Variants in FGD5 observed in about 807,000 individuals in gnomAD.
The protein encoded by FGD5 is FYVE, RhoGEF and PH domain-containing protein 5.
Under a neutral mutation model 133.4 loss-of-function variants are expected in FGD5, and 28 were observed. That is an observed-to-expected ratio of 0.21 (90% CI 0.16 to 0.29). FGD5 has a LOEUF of 0.29. Ranked by LOEUF, FGD5 falls within the 10% of genes least tolerant of loss-of-function variation. The pLI, the probability that FGD5 is intolerant of heterozygous loss-of-function variation, is 1.00. For missense variants in FGD5, 1,858 were observed against 1,895.2 expected (o/e 0.98, Z 0.36); for synonymous variants, 810 against 776.5 (o/e 1.04, Z -0.72).
chr3:14,816,754 A>G (rs1209160021), upstream of FGD5, among the ~76,000 whole-genome samples: 1 of 152,234 alleles, frequency 6.6e-6, no homozygotes, highest in Non-Finnish European at 1.5e-5. Context: ...AAGGAGTTTG[A>G]TAGTCACTAT....
chr3:14,817,998 C>G (rs761168804), upstream of FGD5, among the ~76,000 whole-genome samples: 18 of 152,152 alleles, frequency 1.2e-4, no homozygotes, highest in Non-Finnish European at 2.4e-4. Context: ...TTTGACCGTT[C>G]CCCTTCTCTA....
intron 18 of FGD5, chr3:14,931,769 A>T (rs2038903051): frequency 6.6e-6 from 1 of 152,224 alleles, no homozygotes; most frequent in Non-Finnish European, 1.5e-5. Context: ...ATATTGAAAT[A>T]CTGTAAATGA....
intron 5 of FGD5, 25 bp from the exon 6 acceptor site, chr3:14,897,914 G>T: frequency 6.2e-7 from 1 of 1,613,796 alleles, no homozygotes; most frequent in Non-Finnish European, 8.5e-7. Context: ...AGTTCTCACT[G>T]TCCCATCCCC....
At chr3:14,843,282 G>A (rs1379021458) in intron 1 of FGD5, among the ~76,000 whole-genome samples, 2 of 152,204 alleles carry the variant, frequency 1.3e-5, no homozygotes, top group African/African-American at 2.4e-5. Flanking sequence ...TCCACAGCAT[G>A]AGAGCCCCCT....
chr3:14,900,551 GTCCCC>G, intron 8 of FGD5, 98 bp downstream of exon 8: 1 of 1,393,044 alleles, frequency 7.2e-7, no homozygotes, highest in Non-Finnish European at 1.0e-6. Flanking sequence ...CCAGGATATA[GTCCCC>G]TCCCCACCAG....
intron 1 of FGD5, among the ~76,000 whole-genome samples, chr3:14,859,306 C>T (rs190915977): frequency 9.3e-4 from 142 of 152,224 alleles, no homozygotes; most frequent in African/African-American, 2.9e-3. Context: ...CCTGTAATCC[C>T]GGCACTTTGG....
intron 1 of FGD5, among the ~76,000 whole-genome samples, chr3:14,811,566 C>A (rs968129725): frequency 6.6e-6 from 1 of 152,196 alleles, no homozygotes; most frequent in African/African-American, 2.4e-5. Context: ...GCTCCAGGTT[C>A]CCCCACCCCC....
intron 4 of FGD5, among the ~76,000 whole-genome samples, chr3:14,883,615 G>C (rs541984485): frequency 7.1e-4 from 108 of 152,262 alleles, no homozygotes; most frequent in Non-Finnish European, 1.3e-3. Context: ...CATTCATTCT[G>C]GAAACATCAC....
chr3:14,901,526 C>T (rs986425340), intron 9 of FGD5, among the ~76,000 whole-genome samples: 1 of 152,228 alleles, frequency 6.6e-6, no homozygotes, highest in Non-Finnish European at 1.5e-5. Flanking sequence ...ACTCTGTCTG[C>T]TAGAGGGCAG....
At chr3:14,814,239 G>A (rs538488388), upstream of FGD5, among the ~76,000 whole-genome samples, 28 of 152,320 alleles carry the variant, frequency 1.8e-4, no homozygotes, top group Non-Finnish European at 3.4e-4. Flanking sequence ...GGAATCCAGA[G>A]AAGGAAACCA....
Position 14,893,799 on chromosome 3 carries a change from A to G in FGD5, c.2749-3710A>G, listed in dbSNP as rs1416433706. 7.5e-5 allele frequency among the ~76,000 whole-genome samples: 9 copies of G among 120,514 alleles called. No homozygotes were observed. In the East Asian group the frequency reaches 2.4e-3, roughly 32 times the overall value. 79.1% of individuals were successfully genotyped at this position (120,514 alleles called of 152,430 possible). A position where few individuals can be genotyped will look rare whatever the true frequency, so the allele number is the denominator to read the frequency against. On this transcript the variant is annotated intron_variant, in intron 4 of 19. Coordinates refer to ENST00000285046, the MANE Select transcript of FGD5 (RefSeq NM_152536.4). ...AGACAGAGTCTCTCTCTGTTGCCCA[A>G]GCTGGAGTGCAGTGGCCATGCAATC... is the stretch of plus-strand genomic sequence containing the variant.
At chr3:14,811,119 T>C (rs2036286677) in intron 1 of FGD5, among the ~76,000 whole-genome samples, 2 of 151,876 alleles carry the variant, frequency 1.3e-5, no homozygotes, top group Admixed American at 1.3e-4. Context: ...GCCCTGGCCG[T>C]GCGCGCCAGT....
upstream of FGD5, among the ~76,000 whole-genome samples, chr3:14,816,299 T>G (rs564615231): frequency 1.3e-5 from 2 of 152,300 alleles, no homozygotes; most frequent in African/African-American, 4.8e-5. Flanking sequence ...AAGAATAATT[T>G]CGTGCCAATG....
chr3:14,864,348 G>A (rs1198064079), intron 2 of FGD5, 88 bp downstream of exon 2: 2 of 1,588,906 alleles, frequency 1.3e-6, no homozygotes, highest in East Asian at 4.5e-5. Context: ...CCTTGGTGCG[G>A]ACGGAGCTGT....
intron 1 of FGD5, among the ~76,000 whole-genome samples, chr3:14,822,106 TAAAAA>T (rs553593220): frequency 8.5e-5 from 12 of 140,762 alleles, no homozygotes; most frequent in African/African-American, 3.2e-4. Flanking sequence ...CTAAAAAAAA[TAAAAA>T]AAAAAGAAAA....
intron 1 of FGD5, among the ~76,000 whole-genome samples, chr3:14,859,558 C>A (rs914636136): frequency 6.8e-6 from 1 of 146,232 alleles, no homozygotes; most frequent in African/African-American, 2.6e-5. Context: ...AGACCTCCCC[C>A]CAAAAAAAAA....
At chr3:14,831,660 G>A (rs554626314) in intron 1 of FGD5, among the ~76,000 whole-genome samples, 1 of 152,298 alleles carries the variant, frequency 6.6e-6, no homozygotes, top group South Asian at 2.1e-4. Flanking sequence ...TTGAAAAGGA[G>A]TGTGTTGAAT....
chr3:14,814,673 C>T (rs140075104), upstream of FGD5, among the ~76,000 whole-genome samples: 2 of 152,256 alleles, frequency 1.3e-5, no homozygotes, highest in Non-Finnish European at 2.9e-5. Flanking sequence ...TGGTGACCTC[C>T]GGCCAGACCT....
chr3:14,891,222 G>A (rs1315667221), intron 4 of FGD5, among the ~76,000 whole-genome samples: 1 of 152,032 alleles, frequency 6.6e-6, no homozygotes, highest in Non-Finnish European at 1.5e-5. Context: ...GCCCCAGGTC[G>A]GCAGGGAAAC....
Sources: gnomAD v4.1 joint callset for allele counts (sites outside exome capture counted in the v4.1 genomes callset) on GRCh38, gnomAD v4.1.1 for gene constraint, MANE v1.5 for transcripts, NCBI Gene and HGNC (gene_info 2026-07-23, HGNC 2026-07-21) for gene names.